Variants in ARHGAP22 observed in about 807,000 individuals in gnomAD.
ARHGAP22 encodes the protein Rho GTPase activating protein 22.
A neutral mutation model predicts 59.1 loss-of-function variants in ARHGAP22; 48 were observed. The ratio of observed to expected loss-of-function variants is 0.81; its 90% CI spans 0.64 to 1.03. ARHGAP22 has a LOEUF of 1.03. Ranked by LOEUF, ARHGAP22 falls within the 50% of genes least tolerant of loss-of-function variation. The pLI is 0.00. For synonymous variants in ARHGAP22, 445 were observed against 416.4 expected (o/e 1.07, Z -0.84); for missense variants, 1,015 against 958.7 (o/e 1.06, Z -0.78).
At chr10:48,525,964 T>C (rs2054286063) in intron 3 of ARHGAP22, among the ~76,000 whole-genome samples, 1 of 152,180 alleles carries the variant, frequency 6.6e-6, no homozygotes, top group Non-Finnish European at 1.5e-5. Context: ...ATTGAGATAA[T>C]TATATTTTTA....
intron 4 of ARHGAP22, among the ~76,000 whole-genome samples, chr10:48,475,265 C>T (rs1427626186): frequency 5.9e-5 from 9 of 152,298 alleles, no homozygotes; most frequent in Non-Finnish European, 1.2e-4. Context: ...GCTCTCCTCC[C>T]TCTTGGGGCT....
At chr10:48,444,531 T>G (rs934928511), downstream of ARHGAP22, 5 of 152,246 alleles carry the variant, frequency 3.3e-5, no homozygotes, top group African/African-American at 1.2e-4. Flanking sequence ...TGAGCTCCTA[T>G]CCCTACTGGG....
chr10:48,574,158 T>C (rs1401381181), intron 2 of ARHGAP22, among the ~76,000 whole-genome samples: 9 of 152,202 alleles, frequency 5.9e-5, no homozygotes, highest in Admixed American at 1.3e-4. Flanking sequence ...ACAAAAGCAA[T>C]AAATTATTTT....
chr10:48,463,224 C>T (rs753418993), intron 4 of ARHGAP22, among the ~76,000 whole-genome samples: 2 of 152,186 alleles, frequency 1.3e-5, no homozygotes, highest in Non-Finnish European at 2.9e-5. Context: ...TCCACCATCC[C>T]CTCTCACTTC....
chr10:48,583,234 C>T (rs1259134357), intron 1 of ARHGAP22, 82 bp from the exon 2 acceptor site: 3 of 1,502,814 alleles, frequency 2.0e-6, no homozygotes, highest in Non-Finnish European at 2.7e-6. Flanking sequence ...GTCCCAGCTG[C>T]CTCGTGACTG....
chr10:48,521,240 C>T (rs1205338268), intron 3 of ARHGAP22, among the ~76,000 whole-genome samples: 2 of 152,056 alleles, frequency 1.3e-5, no homozygotes, highest in African/African-American at 4.8e-5. Context: ...CATATCACAC[C>T]CTCCCCTCCC....
chr10:48,449,493 C>A (rs190490572), intron 9 of ARHGAP22, among the ~76,000 whole-genome samples: 4 of 152,374 alleles, frequency 2.6e-5, no homozygotes, highest in Admixed American at 2.6e-4. Context: ...GAATGCCTTC[C>A]ACCTCCATCC....
intron 2 of ARHGAP22, among the ~76,000 whole-genome samples, chr10:48,562,016 G>A (rs993290406): frequency 6.6e-6 from 1 of 152,196 alleles, no homozygotes; most frequent in Non-Finnish European, 1.5e-5. Flanking sequence ...CACGAGGTCA[G>A]AAGTTCGAGA....
chr10:48,508,979 A>G (rs2052460469), intron 3 of ARHGAP22, among the ~76,000 whole-genome samples: 1 of 152,250 alleles, frequency 6.6e-6, no homozygotes, highest in African/African-American at 2.4e-5. Context: ...ACTGTTATCT[A>G]ATGGGAAACA....
Position 48,450,350 on chromosome 10 carries a change from C to T in ARHGAP22, c.1779G>A (p.Ala593=), listed in dbSNP as rs749475030. ...SEPDSPTREH[A]RRSEALQGLV... ...GCCCCTGTAAGGCCTCGGAGCGGCGCGCGTGTTCCCGGGTGGGGCTGTCCG... is the reference window on the plus strand; with the variant it reads ...GCCCCTGTAAGGCCTCGGAGCGGCGTGCGTGTTCCCGGGTGGGGCTGTCCG... Residue 593 remains alanine, a synonymous_variant, in exon 9 of 10, where the codon GCG becomes GCA. Transcript: ENST00000249601. 6.3e-6 allele frequency: 10 copies of T among 1,591,028 alleles called. No individual in the cohort carries two copies. In the Admixed American group the frequency reaches 7.0e-5, roughly 11 times the overall value.
chr10:48,511,294 G>A (rs1228027230), intron 3 of ARHGAP22, among the ~76,000 whole-genome samples: 2 of 152,254 alleles, frequency 1.3e-5, no homozygotes, highest in Admixed American at 1.3e-4. Flanking sequence ...CAGCCAGCAT[G>A]AGACTGCGGC....
chr10:48,553,644 G>A (rs2057079658), intron 3 of ARHGAP22, among the ~76,000 whole-genome samples: 1 of 152,130 alleles, frequency 6.6e-6, no homozygotes. Context: ...CAGAATAATG[G>A]TCCTCAAAGA....
chr10:48,558,340 G>GTTT (rs59162298), intron 2 of ARHGAP22, among the ~76,000 whole-genome samples: 2 of 149,220 alleles, frequency 1.3e-5, no homozygotes, highest in African/African-American at 5.0e-5. Flanking sequence ...GCGATTTAAT[G>GTTT]TTTTTTTTTT....
At chr10:48,536,184 G>T (rs1040185213) in intron 3 of ARHGAP22, among the ~76,000 whole-genome samples, 1 of 152,216 alleles carries the variant, frequency 6.6e-6, no homozygotes, top group African/African-American at 2.4e-5. Flanking sequence ...TGAGGGGGAG[G>T]TCTCTGCCAG....
In ARHGAP22 at chr10:48,582,794, C is replaced by T. The variant is rs74130549; in HGVS notation, c.234+159G>A. The T allele has an allele frequency of 1.7e-4, 134 of 769,764 alleles. No homozygotes were observed. In the African/African-American group the frequency reaches 2.2e-3, roughly 12 times the overall value. 47.7% of individuals were successfully genotyped at this position (769,764 alleles called of 1,614,324 possible). On this transcript the variant is annotated intron_variant, in intron 2 of 9. Transcript: ENST00000249601. ...GTAAAACAGGCTGTGATACCAGGAA[C>T]ATGGGGGATAAGAATGAAAATTACT...
intron 3 of ARHGAP22, among the ~76,000 whole-genome samples, chr10:48,543,275 G>A (rs1441879036): frequency 1.3e-5 from 2 of 152,128 alleles, no homozygotes; most frequent in Admixed American, 6.5e-5. Flanking sequence ...GCAGGGAAGC[G>A]GGGTGGCCTC....
At chr10:48,559,611 A>C (rs778509325) in intron 2 of ARHGAP22, among the ~76,000 whole-genome samples, 4 of 152,226 alleles carry the variant, frequency 2.6e-5, no homozygotes, top group Non-Finnish European at 5.9e-5. Flanking sequence ...TTGCATGGTC[A>C]TTAAGTGCTG....
chr10:48,509,433 C>T (rs998356460), intron 3 of ARHGAP22, among the ~76,000 whole-genome samples: 4 of 152,340 alleles, frequency 2.6e-5, no homozygotes, highest in East Asian at 1.9e-4. Context: ...GCTGTGCAGA[C>T]GCTCCATGAA....
intron 3 of ARHGAP22, among the ~76,000 whole-genome samples, chr10:48,521,398 C>G (rs2053796516): frequency 6.6e-6 from 1 of 152,140 alleles, no homozygotes; most frequent in Non-Finnish European, 1.5e-5. Context: ...GGCTCTGGCT[C>G]TTGATATATT....
Sources: allele counts gnomAD v4.1 joint callset (sites outside exome capture counted in the v4.1 genomes callset), GRCh38; gene constraint gnomAD v4.1.1; transcripts MANE v1.5; gene names NCBI Gene and HGNC (gene_info 2026-07-23, HGNC 2026-07-21).